MDGA2: variants seen among roughly 807,000 people sequenced by gnomAD.
The protein encoded by MDGA2 is MAM domain-containing glycosylphosphatidylinositol anchor protein 2.
MDGA2 carries 40 observed loss-of-function variants against 117.8 expected under a neutral mutation model. The ratio of observed to expected loss-of-function variants is 0.34; its 90% CI spans 0.26 to 0.44. MDGA2 has a LOEUF of 0.44. Ranked by LOEUF, MDGA2 falls within the 20% of genes least tolerant of loss-of-function variation. MDGA2 has a pLI of 1.00. For missense variants in MDGA2, 1,123 were observed against 1,250.6 expected (o/e 0.90, Z 1.54); for synonymous variants, 452 against 439.0 (o/e 1.03, Z -0.37).
At chr14:47,133,678 C>A (rs1882317214) in intron 4 of MDGA2, among the ~76,000 whole-genome samples, 1 of 152,000 alleles carries the variant, frequency 6.6e-6, no homozygotes, top group Non-Finnish European at 1.5e-5. Flanking sequence ...TCAGACACAT[C>A]TGAACTCAAC....
intron 1 of MDGA2, among the ~76,000 whole-genome samples, chr14:47,574,399 A>G (rs187284952): frequency 1.3e-3 from 205 of 152,214 alleles, no homozygotes; most frequent in Non-Finnish European, 2.6e-3. Flanking sequence ...CGGAACTTTC[A>G]TATGCTTTGT....
At chr14:47,037,644 T>C (rs183236691) in intron 7 of MDGA2, among the ~76,000 whole-genome samples, 41 of 152,306 alleles carry the variant, frequency 2.7e-4, no homozygotes, top group African/African-American at 9.9e-4. Context: ...TCTTTAGTCA[T>C]TTATTATTGC....
chr14:47,311,129 T>G (rs1039287946), intron 1 of MDGA2, among the ~76,000 whole-genome samples: 1 of 152,090 alleles, frequency 6.6e-6, no homozygotes, highest in African/African-American at 2.4e-5. Flanking sequence ...CTCTGTAGAC[T>G]GAAATGTATA....
At chr14:46,909,603 C>T (rs1281190676) in intron 10 of MDGA2, among the ~76,000 whole-genome samples, 1 of 151,978 alleles carries the variant, frequency 6.6e-6, no homozygotes, top group Non-Finnish European at 1.5e-5. Context: ...ACTAAGATAC[C>T]TTCTAATATG....
intron 7 of MDGA2, among the ~76,000 whole-genome samples, chr14:47,049,774 C>G (rs556227417): frequency 2.0e-5 from 3 of 151,956 alleles, no homozygotes; most frequent in Non-Finnish European, 4.4e-5. Flanking sequence ...CTTCTCTTTT[C>G]ACATATTTTT....
intron 1 of MDGA2, among the ~76,000 whole-genome samples, chr14:47,612,710 T>TC (rs1566541377): frequency 1.3e-5 from 2 of 152,186 alleles, no homozygotes; most frequent in East Asian, 1.9e-4. Flanking sequence ...TTTGTTTTTT[T>TC]CCCACAAGAG....
intron 3 of MDGA2, among the ~76,000 whole-genome samples, chr14:47,171,680 T>C (rs976349808): frequency 6.6e-6 from 1 of 152,268 alleles, no homozygotes; most frequent in Middle Eastern, 3.4e-3. Context: ...GATGGCCGAA[T>C]AGGAACAGCT....
chr14:47,609,062 C>G (rs528632329), intron 1 of MDGA2, among the ~76,000 whole-genome samples: 1 of 151,644 alleles, frequency 6.6e-6, no homozygotes, highest in South Asian at 2.1e-4. Context: ...TTATTTTTAT[C>G]TTTTTTATTT....
intron 8 of MDGA2, among the ~76,000 whole-genome samples, chr14:47,028,638 G>A (rs1033450744): frequency 1.3e-5 from 2 of 152,066 alleles, no homozygotes. Context: ...AGAGGGTTGC[G>A]ACTTAGCTAG....
At position 46,868,689 on chromosome 14, in the gene MDGA2, T is replaced by C. The variant is rs143211473; in HGVS notation, c.2752+4744A>G. Among the ~76,000 whole-genome samples the C allele has an allele frequency of 3.5e-3, 535 of 152,112 alleles. 5 individuals carry two copies. The highest frequency in any genetic ancestry group is 0.012 in the African/African-American group (510 of 41,526). ...TGGGGACTCAAACTGGCCATTATATTCCAAAATGCGTTTCAGAAACCTACA... is the reference window on the plus strand; with the variant it reads ...TGGGGACTCAAACTGGCCATTATATCCCAAAATGCGTTTCAGAAACCTACA... On this transcript the variant is annotated intron_variant, in intron 14 of 16. Transcript: ENST00000399232.
intron 7 of MDGA2, among the ~76,000 whole-genome samples, chr14:47,041,443 TG>T (rs1228312394): frequency 1.3e-5 from 2 of 152,080 alleles, no homozygotes; most frequent in African/African-American, 4.8e-5. Flanking sequence ...GCAATGTACT[TG>T]CTAGAAAAAG....
At chr14:47,430,955 C>A (rs6572424) in intron 1 of MDGA2, among the ~76,000 whole-genome samples, 151,988 of 152,132 alleles carry the variant, frequency 1, 75,922 homozygotes, top group Non-Finnish European at 1. Flanking sequence ...CATCCATGTG[C>A]AGGGCTTAAA....
At chr14:47,090,566 A>G (rs1168366074) in intron 6 of MDGA2, among the ~76,000 whole-genome samples, 1 of 152,196 alleles carries the variant, frequency 6.6e-6, no homozygotes, top group South Asian at 2.1e-4. Flanking sequence ...GGTATACTGC[A>G]TACTACAGTG....
chr14:47,316,241 T>TC (rs1889806173), intron 1 of MDGA2, among the ~76,000 whole-genome samples: 1 of 152,112 alleles, frequency 6.6e-6, no homozygotes, highest in Non-Finnish European at 1.5e-5. Flanking sequence ...GTCTGAAATC[T>TC]CCATGTATGG....
At chr14:47,171,185 A>T (rs1475878543) in intron 3 of MDGA2, among the ~76,000 whole-genome samples, 1 of 152,174 alleles carries the variant, frequency 6.6e-6, no homozygotes, top group East Asian at 1.9e-4. Flanking sequence ...CAGTCCAGAA[A>T]GCCATAATCT....
chr14:47,074,113 TA>T (rs1322603317), intron 6 of MDGA2, among the ~76,000 whole-genome samples: 1 of 145,914 alleles, frequency 6.9e-6, no homozygotes. Context: ...AATGATTAAT[TA>T]ATTTAATTAA....
At chr14:47,286,459 A>T (rs889088002) in intron 2 of MDGA2, among the ~76,000 whole-genome samples, 1 of 151,986 alleles carries the variant, frequency 6.6e-6, no homozygotes, top group African/African-American at 2.4e-5. Flanking sequence ...TAGCTCTTAC[A>T]TGTTAGTGAG....
At chr14:47,489,204 A>C (rs1039765529) in intron 1 of MDGA2, among the ~76,000 whole-genome samples, 10 of 122,526 alleles carry the variant, frequency 8.2e-5, no homozygotes, top group South Asian at 2.4e-4. Context: ...CTCTGACACA[A>C]AAAAAAATTT....
chr14:47,561,156 TTG>T lies in MDGA2; in HGVS notation c.280+113359_280+113360del, dbSNP rs1566515935. 2.0e-3 allele frequency among the ~76,000 whole-genome samples: 146 copies of T among 72,886 alleles called. 5 individuals are homozygous for T. The highest frequency in any genetic ancestry group is 5.0e-3 in the African/African-American group (130 of 25,764). The allele number at this position is 72,886 out of a possible 152,430, so 47.8% of individuals were successfully genotyped here. ...CTCTATCTTTGTTTTTTTTTTTGTT[TTG>T]TTTTGTTTTTTTGTTTGTTTGTTTT... On this transcript the variant is annotated intron_variant, in intron 1 of 16. Transcript: ENST00000399232.
Sources: gnomAD v4.1 joint callset for allele counts (sites outside exome capture counted in the v4.1 genomes callset) on GRCh38, gnomAD v4.1.1 for gene constraint, MANE v1.5 for transcripts, NCBI Gene and HGNC (gene_info 2026-07-23, HGNC 2026-07-21) for gene names.